TMEM184C: variants seen among roughly 807,000 people sequenced by gnomAD.
The protein encoded by TMEM184C is transmembrane protein 184C.
TMEM184C carries 25 observed loss-of-function variants against 54.5 expected under a neutral mutation model. That is an observed-to-expected ratio of 0.46 (90% CI 0.33 to 0.64). TMEM184C has a LOEUF of 0.64. TMEM184C is among the 30% of genes least tolerant of loss of function. The probability of loss-of-function intolerance (pLI) is 0.02; values close to 1 mark genes in which losing one functional copy is unlikely to be tolerated. For missense variants in TMEM184C, 335 were observed against 520.3 expected, an observed-to-expected ratio of 0.64 and a Z score of 3.46; for synonymous variants, 148 against 181.5, an observed-to-expected ratio of 0.82 and a Z score of 1.49.
chr4:147,634,498 T>C lies in TMEM184C; in HGVS notation c.*64T>C. 1 of 1,556,416 alleles carries C rather than the reference T, an allele frequency of 6.4e-7. No homozygotes were observed. ...ATCATTACCTGGTATCCCATGGATT[T>C]TGTGCTTGGGACAGACCATAAATGA... On this transcript the variant is annotated 3_prime_UTR_variant, in exon 10 of 10. Coordinates refer to ENST00000296582, the MANE Select transcript of TMEM184C (RefSeq NM_018241.3).
chr4:147,618,555 C>T (rs1578855861), intron 1 of TMEM184C, among the ~76,000 whole-genome samples: 1 of 152,076 alleles, frequency 6.6e-6, no homozygotes, highest in East Asian at 1.9e-4. Flanking sequence ...CAAAAAGTCC[C>T]TTATATATAT....
At chr4:147,633,068 A>C in intron 8 of TMEM184C, 66 bp downstream of exon 8, 5 of 1,326,014 alleles carry the variant, frequency 3.8e-6, no homozygotes, top group Admixed American at 1.7e-5. Context: ...ACATATCTCC[A>C]CTAAACCTGA....
intron 1 of TMEM184C, among the ~76,000 whole-genome samples, chr4:147,619,882 C>T (rs1157792542): frequency 6.6e-6 from 1 of 152,152 alleles, no homozygotes; most frequent in Non-Finnish European, 1.5e-5. Context: ...TTATGTGTGT[C>T]ATCTTAAATC....
At chr4:147,633,291 C>T (rs772476194) in intron 8 of TMEM184C, among the ~76,000 whole-genome samples, 2 of 151,792 alleles carry the variant, frequency 1.3e-5, no homozygotes, top group Non-Finnish European at 2.9e-5. Flanking sequence ...ATGAAATGTA[C>T]TTTGCTAAGA....
At chr4:147,629,542 G>A in intron 5 of TMEM184C, 57 bp from the exon 6 acceptor site, 3 of 1,294,472 alleles carry the variant, frequency 2.3e-6, no homozygotes, top group Non-Finnish European at 3.3e-6. Context: ...TGCTATTGCT[G>A]TATTTTGAAG....
At position 147,630,253 on chromosome 4, in the gene TMEM184C, G is replaced by A. The variant is rs142892887; in HGVS notation, c.666+561G>A. On this transcript the variant is annotated intron_variant, in intron 6 of 9. Coordinates refer to ENST00000296582, the MANE Select transcript of TMEM184C (RefSeq NM_018241.3). ...TTTGATCTTACAAGCTTAAAAAAAT[G>A]TGCATTTTATTTAAATTCTTTGACT... Among the ~76,000 whole-genome samples the A allele has an allele frequency of 4.7e-3, 709 of 152,118 alleles. 5 individuals are homozygous for A. The highest frequency in any genetic ancestry group is 0.015 in the African/African-American group (610 of 41,554).
chr4:147,619,189 G>GTTGTTT (rs892658447), intron 1 of TMEM184C, among the ~76,000 whole-genome samples: 1 of 148,972 alleles, frequency 6.7e-6, no homozygotes, highest in Non-Finnish European at 1.5e-5. Flanking sequence ...TGTTGTTGTT[G>GTTGTTT]TTGTTTATTT....
chr4:147,627,057 G>C (rs1732827558), intron 4 of TMEM184C, among the ~76,000 whole-genome samples: 1 of 152,150 alleles, frequency 6.6e-6, no homozygotes, highest in African/African-American at 2.4e-5. Context: ...TGGGTGCTGA[G>C]GAATTTGATC....
chr4:147,624,238 T>G, intron 3 of TMEM184C, 140 bp downstream of exon 3: 1 of 644,382 alleles, frequency 1.6e-6, no homozygotes, highest in Non-Finnish European at 2.5e-6. Flanking sequence ...TTTCTAATGA[T>G]AGAGAATATA....
intron 1 of TMEM184C, among the ~76,000 whole-genome samples, chr4:147,621,670 A>G (rs1173039303): frequency 2.6e-5 from 4 of 152,168 alleles, no homozygotes; most frequent in African/African-American, 9.7e-5. Flanking sequence ...TGTAAAACCA[A>G]TAATTAAAAT....
chr4:147,618,105 TG>T, intron 1 of TMEM184C, 26 bp downstream of exon 1: 1 of 1,613,382 alleles, frequency 6.2e-7, no homozygotes, highest in East Asian at 2.2e-5. Flanking sequence ...ACCATCAGCC[TG>T]TACACTTTCT....
intron 1 of TMEM184C, among the ~76,000 whole-genome samples, chr4:147,621,203 T>C (rs1351153407): frequency 6.6e-6 from 1 of 152,190 alleles, no homozygotes; most frequent in African/African-American, 2.4e-5. Flanking sequence ...ATTTACCTCA[T>C]GCCCTTAGGT....
chr4:147,619,734 A>T (rs941446386), intron 1 of TMEM184C, among the ~76,000 whole-genome samples: 1 of 152,220 alleles, frequency 6.6e-6, no homozygotes, highest in Admixed American at 6.5e-5. Context: ...TTAGTTTCAA[A>T]TGTAGTTTTT....
chr4:147,620,300 G>A (rs1318138641), intron 1 of TMEM184C, among the ~76,000 whole-genome samples: 13 of 151,960 alleles, frequency 8.6e-5, no homozygotes, highest in African/African-American at 2.9e-4. Flanking sequence ...CCAAATGACT[G>A]AGTCCCAGTG....
intron 1 of TMEM184C, among the ~76,000 whole-genome samples, chr4:147,621,110 G>C (rs1193614766): frequency 1.3e-5 from 2 of 152,128 alleles, no homozygotes; most frequent in African/African-American, 4.8e-5. Context: ...CCACTCACTT[G>C]GCTGACCATG....
At chr4:147,625,122 T>G in intron 4 of TMEM184C, 113 bp downstream of exon 4, 1 of 1,015,550 alleles carries the variant, frequency 9.8e-7, no homozygotes, top group East Asian at 2.5e-5. Flanking sequence ...AGCAGAACAA[T>G]AAGTATAAGA....
At position 147,617,856 on chromosome 4, in the gene TMEM184C, C is replaced by T. The variant is rs1732627103; in HGVS notation, c.-101C>T. On this transcript the variant is annotated 5_prime_UTR_variant, in exon 1 of 10. Transcript: ENST00000296582. ...TAAAGTCGCCCGACAGCTTTTTCTCCGTAGTATGCGAGTTGACAAAACAGC... is the reference window on the plus strand; with the variant it reads ...TAAAGTCGCCCGACAGCTTTTTCTCTGTAGTATGCGAGTTGACAAAACAGC... The T allele has an allele frequency of 1.3e-6, 2 of 1,548,818 alleles. No individual in the cohort carries two copies. Among genetic ancestry groups the T allele is most frequent in the African/African-American group, 1.4e-5 (1 of 73,420 alleles).
At chr4:147,618,550 AG>A (rs1732643377) in intron 1 of TMEM184C, among the ~76,000 whole-genome samples, 2 of 152,224 alleles carry the variant, frequency 1.3e-5, no homozygotes, top group African/African-American at 4.8e-5. Flanking sequence ...TTTTGCAAAA[AG>A]TCCCTTATAT....
chr4:147,622,955 C>T (rs903330484), intron 1 of TMEM184C, among the ~76,000 whole-genome samples: 1 of 152,048 alleles, frequency 6.6e-6, no homozygotes, highest in African/African-American at 2.4e-5. Context: ...GATGGCATCT[C>T]GCCATGTTGC....
Sources: allele counts gnomAD v4.1 joint callset (sites outside exome capture counted in the v4.1 genomes callset), GRCh38; gene constraint gnomAD v4.1.1; transcripts MANE v1.5; gene names NCBI Gene and HGNC (gene_info 2026-07-23, HGNC 2026-07-21).